Variants in PDS5B observed in about 807,000 individuals in gnomAD.
PDS5B encodes sister chromatid cohesion protein PDS5 homolog B.
A neutral mutation model predicts 184.1 loss-of-function variants in PDS5B; 51 were observed. The observed-to-expected ratio is 0.28, with a 90% CI of 0.22 to 0.35. The LOEUF (loss-of-function observed/expected upper bound fraction) is 0.35, where lower values mean the gene tolerates loss of function less well. PDS5B is among the 10% of genes least tolerant of loss of function. The pLI is 1.00. For missense variants in PDS5B, 1,180 were observed against 1,723.3 expected (o/e 0.68, Z 5.58); for synonymous variants, 566 against 569.2 (o/e 0.99, Z 0.08).
chr13:32,736,199 A>G (rs1180982369), intron 21 of PDS5B, among the ~76,000 whole-genome samples: 4 of 152,006 alleles, frequency 2.6e-5, no homozygotes, highest in Non-Finnish European at 5.9e-5. Context: ...TATGCAGTTA[A>G]TGTTTATTTA....
intron 31 of PDS5B, among the ~76,000 whole-genome samples, chr13:32,765,498 C>T (rs1381209090): frequency 2.0e-5 from 3 of 152,226 alleles, no homozygotes; most frequent in Non-Finnish European, 2.9e-5. Context: ...CCATCTTCCA[C>T]GAGTCCAGCA....
intron 14 of PDS5B, among the ~76,000 whole-genome samples, chr13:32,695,359 A>G (rs1039950156): frequency 1.3e-5 from 2 of 151,966 alleles, no homozygotes; most frequent in African/African-American, 4.8e-5. Flanking sequence ...AATGACTTAA[A>G]ACTGAGTGAT....
chr13:32,711,215 C>T (rs1952193651), intron 19 of PDS5B, among the ~76,000 whole-genome samples: 1 of 152,056 alleles, frequency 6.6e-6, no homozygotes, highest in Admixed American at 6.5e-5. Context: ...GAACTCCTGA[C>T]CTCAGGTGAT....
At chr13:32,594,442 G>A (rs2057826290) in intron 1 of PDS5B, among the ~76,000 whole-genome samples, 1 of 152,180 alleles carries the variant, frequency 6.6e-6, no homozygotes, top group South Asian at 2.1e-4. Context: ...CAAGTGGGAG[G>A]AAAGAGGCTG....
chr13:32,653,742 T>C (rs1950427894), intron 3 of PDS5B, among the ~76,000 whole-genome samples: 1 of 152,254 alleles, frequency 6.6e-6, no homozygotes, highest in Admixed American at 6.5e-5. Context: ...GCTTGATTTC[T>C]AAATGTGAAT....
chr13:32,757,463 CT>C (rs2141007919), intron 26 of PDS5B, among the ~76,000 whole-genome samples: 1 of 152,064 alleles, frequency 6.6e-6, no homozygotes. Context: ...TCAACTATAA[CT>C]TTGTTCCTTT....
intron 1 of PDS5B, among the ~76,000 whole-genome samples, chr13:32,592,587 CCT>C (rs1472384318): frequency 6.6e-6 from 1 of 152,252 alleles, no homozygotes; most frequent in Admixed American, 6.5e-5. Context: ...ACTTTTTCCC[CCT>C]CTGTCTCTTT....
chr13:32,694,266 C>G lies in PDS5B; in HGVS notation c.1513C>G (p.Gln505Glu), dbSNP rs1951636745. 3.1e-6 allele frequency: 5 copies of G among 1,602,062 alleles called. No homozygotes were observed. Among genetic ancestry groups the G allele is most frequent in the Non-Finnish European group, 4.3e-6 (5 of 1,175,574 alleles). Residue 505 changes from glutamine to glutamate, a missense_variant, in exon 14 of 35, where the codon CAA becomes GAA. Gln to Glu is a conservative substitution (Grantham distance 29). This residue lies in a region of PDS5B where 475 missense variants were observed against 691.5 expected (regional missense o/e 0.69). Transcript: ENST00000315596. ...GAAATGTCAAAATCTGCTCCGACAT[C>G]AAGTAAAGGATTTGCTTGACTTGAT... ...MWKCQNLLRH[Q>E]VKDLLDLIKQ...
intron 1 of PDS5B, among the ~76,000 whole-genome samples, chr13:32,599,371 C>T (rs1001743192): frequency 5.3e-5 from 8 of 151,948 alleles, no homozygotes; most frequent in African/African-American, 1.9e-4. Context: ...TCAAGCAATT[C>T]TCCTGCCTCA....
At chr13:32,762,022 C>T (rs745966878) in intron 30 of PDS5B, among the ~76,000 whole-genome samples, 9 of 152,084 alleles carry the variant, frequency 5.9e-5, no homozygotes, top group South Asian at 2.1e-4. Flanking sequence ...GACGGTATCT[C>T]GTTGTAGTTT....
intron 1 of PDS5B, among the ~76,000 whole-genome samples, chr13:32,622,580 T>C (rs1194046882): frequency 1.3e-5 from 2 of 152,240 alleles, no homozygotes; most frequent in Admixed American, 6.5e-5. Flanking sequence ...TCTTATGTCT[T>C]TACTAGTTTT....
At chr13:32,600,596 C>T (rs1220536779) in intron 1 of PDS5B, among the ~76,000 whole-genome samples, 3 of 152,230 alleles carry the variant, frequency 2.0e-5, no homozygotes, top group Middle Eastern at 3.4e-3. Flanking sequence ...AAAGATGAGC[C>T]GGTGTGATGG....
At chr13:32,635,918 G>A (rs989867921) in intron 1 of PDS5B, among the ~76,000 whole-genome samples, 6 of 151,490 alleles carry the variant, frequency 4.0e-5, no homozygotes, top group African/African-American at 4.9e-5. Flanking sequence ...ACAAGTGCCC[G>A]CCACCACGCC....
chr13:32,721,993 G>C (rs1393232287), intron 19 of PDS5B, among the ~76,000 whole-genome samples: 1 of 152,240 alleles, frequency 6.6e-6, no homozygotes, highest in East Asian at 1.9e-4. Context: ...CACTTTGGGA[G>C]GCCAAGGCAG....
intron 21 of PDS5B, among the ~76,000 whole-genome samples, chr13:32,736,014 T>A (rs544260867): frequency 3.3e-5 from 5 of 152,274 alleles, no homozygotes; most frequent in South Asian, 4.1e-4. Flanking sequence ...TGCTATTATT[T>A]TAGTAGTTTT....
intron 26 of PDS5B, 86 bp downstream of exon 26, chr13:32,756,042 G>A (rs1221901330): frequency 4.4e-6 from 3 of 682,438 alleles, no homozygotes; most frequent in Middle Eastern, 5.3e-4. Flanking sequence ...ATTATAATTA[G>A]TTTATTGATG....
rs199755143 is a variant in PDS5B at position 32,670,534 on chromosome 13, A to AT, written c.706-2673dup. ...TGAACCACCATGCCCAGCCTAGGTTATTTTTTTTTAAATAGAATTTGTTGT... is the reference window on the plus strand; with the variant it reads ...TGAACCACCATGCCCAGCCTAGGTTATTTTTTTTTTAAATAGAATTTGTTGT... On this transcript the variant is annotated intron_variant, in intron 7 of 34. Transcript: ENST00000315596. Among the ~76,000 whole-genome samples, 160 of 151,664 alleles carry AT rather than the reference A, an allele frequency of 1.1e-3. 1 individual carries two copies. Among genetic ancestry groups the AT allele is most frequent in the African/African-American group, 3.4e-3 (139 of 41,390 alleles).
At chr13:32,651,260 G>A (rs1308568043) in intron 2 of PDS5B, among the ~76,000 whole-genome samples, 2 of 152,108 alleles carry the variant, frequency 1.3e-5, no homozygotes, top group African/African-American at 4.8e-5. Context: ...GTTGGATGCC[G>A]TGGTAGATAC....
intron 1 of PDS5B, among the ~76,000 whole-genome samples, chr13:32,610,618 T>C (rs1333745592): frequency 1.6e-5 from 1 of 62,222 alleles, no homozygotes; most frequent in African/African-American, 5.5e-5. Context: ...TGAACCAAAT[T>C]TTTTTTTTTT....
Sources: gnomAD v4.1 joint callset for allele counts (sites outside exome capture counted in the v4.1 genomes callset) on GRCh38, gnomAD v4.1.1 for gene constraint, gnomAD v4.1.1 regional missense constraint, MANE v1.5 for transcripts, NCBI Gene and HGNC (gene_info 2026-07-23, HGNC 2026-07-21) for gene names.